The following EIF4G3 variants were observed in gnomAD, a reference collection of about 807,000 sequenced individuals.
EIF4G3 encodes eukaryotic translation initiation factor 4 gamma 3.
In EIF4G3, 34 loss-of-function variants were observed where a neutral mutation model predicts 186.4. The observed-to-expected ratio is 0.18, with a 90% confidence interval of 0.14 to 0.24. EIF4G3 has a LOEUF of 0.24. EIF4G3 is among the 10% of genes least tolerant of loss of function. The pLI, the probability that EIF4G3 is intolerant of heterozygous loss-of-function variation, is 1.00. For synonymous variants in EIF4G3, 673 were observed against 679.5 expected (o/e 0.99, Z 0.15); for missense variants, 1,536 against 1,948.5 (o/e 0.79, Z 3.99).
intron 4 of EIF4G3, among the ~76,000 whole-genome samples, chr1:21,023,053 C>T (rs1433722225): frequency 6.6e-6 from 1 of 152,192 alleles, no homozygotes; most frequent in Non-Finnish European, 1.5e-5. Flanking sequence ...TCAAACTATA[C>T]TTGACTTCAG....
At chr1:21,134,017 AAT>A (rs1295629121) in intron 2 of EIF4G3, among the ~76,000 whole-genome samples, 2 of 152,182 alleles carry the variant, frequency 1.3e-5, no homozygotes, top group Non-Finnish European at 2.9e-5. Flanking sequence ...CTTACGCCTA[AAT>A]ATAGTAAAGC....
intron 14 of EIF4G3, among the ~76,000 whole-genome samples, chr1:20,907,797 T>TGG (rs1485162437): frequency 6.6e-6 from 1 of 152,104 alleles, no homozygotes; most frequent in Non-Finnish European, 1.5e-5. Flanking sequence ...CTATCATTGT[T>TGG]GGACATTTAG....
chr1:21,147,959 T>C (rs1407107104), intron 2 of EIF4G3, among the ~76,000 whole-genome samples: 1 of 152,186 alleles, frequency 6.6e-6, no homozygotes, highest in Non-Finnish European at 1.5e-5. Context: ...TCTGGTAATA[T>C]ACATCAATTT....
intron 14 of EIF4G3, among the ~76,000 whole-genome samples, chr1:20,918,496 C>T (rs1224809362): frequency 6.6e-6 from 1 of 152,038 alleles, no homozygotes; most frequent in East Asian, 1.9e-4. Context: ...GCATGAGCCA[C>T]AGCACCTAGC....
intron 3 of EIF4G3, among the ~76,000 whole-genome samples, chr1:21,074,772 A>T (rs1474142844): frequency 1.3e-5 from 2 of 152,208 alleles, no homozygotes; most frequent in African/African-American, 4.8e-5. Flanking sequence ...ACAATGTTGT[A>T]TTAAAAAAGA....
intron 12 of EIF4G3, among the ~76,000 whole-genome samples, chr1:20,955,559 C>T (rs1017165566): frequency 6.6e-6 from 1 of 152,050 alleles, no homozygotes; most frequent in Non-Finnish European, 1.5e-5. Flanking sequence ...ATAATTCTGA[C>T]CACTGCATGG....
At chr1:20,962,227 C>T (rs1029771238) in intron 12 of EIF4G3, among the ~76,000 whole-genome samples, 2 of 152,110 alleles carry the variant, frequency 1.3e-5, no homozygotes, top group Admixed American at 6.6e-5. Context: ...ACTTTTGACT[C>T]CCCAAAAACT....
chr1:21,042,465 C>T (rs2093639469), intron 4 of EIF4G3, among the ~76,000 whole-genome samples: 1 of 152,150 alleles, frequency 6.6e-6, no homozygotes, highest in South Asian at 2.1e-4. Flanking sequence ...TGCTGAGTCA[C>T]TGAAATTCAC....
chr1:21,144,421 T>C (rs1487145718), intron 2 of EIF4G3, among the ~76,000 whole-genome samples: 1 of 150,776 alleles, frequency 6.6e-6, no homozygotes, highest in Non-Finnish European at 1.5e-5. Context: ...AGCACACCCA[T>C]CTTTTTTTTT....
At chr1:20,886,466 C>T (rs1301423484) in intron 18 of EIF4G3, 95 bp from the exon 19 acceptor site, 5 of 1,244,082 alleles carry the variant, frequency 4.0e-6, no homozygotes, top group Non-Finnish European at 5.6e-6. Flanking sequence ...CCAAGCAATG[C>T]TAGATGCAAA....
chr1:21,113,682 T>C (rs969857127), intron 2 of EIF4G3, among the ~76,000 whole-genome samples: 3 of 152,170 alleles, frequency 2.0e-5, no homozygotes, highest in East Asian at 1.9e-4. Flanking sequence ...TGCACTGTTA[T>C]ACAGGTCTTC....
intron 25 of EIF4G3, among the ~76,000 whole-genome samples, chr1:20,856,901 G>A (rs966260056): frequency 9.2e-5 from 14 of 152,166 alleles, no homozygotes; most frequent in Admixed American, 7.9e-4. Flanking sequence ...GGTGGCTCAC[G>A]CCTGTAATCC....
chr1:21,110,532 C>A (rs2096705619), intron 2 of EIF4G3, among the ~76,000 whole-genome samples: 1 of 152,036 alleles, frequency 6.6e-6, no homozygotes, highest in Admixed American at 6.6e-5. Context: ...TGAGCTCAGG[C>A]AATTCGCCCA....
At chr1:20,865,082 T>A in intron 21 of EIF4G3, 34 bp downstream of exon 21, 1 of 1,611,746 alleles carries the variant, frequency 6.2e-7, no homozygotes. Context: ...GTGCTCAAAG[T>A]GTACAAGCAC....
Position 21,065,397 on chromosome 1 carries a change from CA to C in EIF4G3, c.-195-14404del, listed in dbSNP as rs3081969. 1.6e-3 allele frequency among the ~76,000 whole-genome samples: 196 copies of C among 124,062 alleles called. 1 individual carries two copies. The highest frequency in any genetic ancestry group is 2.0e-3 in the Admixed American group (24 of 12,230). 81.4% of individuals were successfully genotyped at this position (124,062 alleles called of 152,430 possible). A position where few individuals can be genotyped will look rare whatever the true frequency, so the allele number is the denominator to read the frequency against. Reference sequence around the variant, plus strand: ...TAAAAGAGCATGGGGTTGTTTCTACCAAAAAAAAAAAAAAAAAAATTTAGCA... The same window carrying C: ...TAAAAGAGCATGGGGTTGTTTCTACCAAAAAAAAAAAAAAAAAATTTAGCA... On this transcript the variant is annotated intron_variant, in intron 3 of 36. Coordinates refer to ENST00000602326, the MANE Select transcript of EIF4G3 (RefSeq NM_001391906.1).
rs929691847 is a variant in EIF4G3 at position 20,997,615 on chromosome 1, G to T, written c.163C>A (p.Pro55Thr). 3.9e-6 allele frequency: 6 copies of T among 1,546,280 alleles called. No individual in the cohort carries two copies. The highest frequency in any genetic ancestry group is 4.0e-5 in the Admixed American group (2 of 50,240). ...GGGTACAGTACCTGATGATGGGGAG[G>T]TCGAGGCCCCGCTGCAAACTGAGAA... ...KYCIFAAGPR[P>T]PHHQGGFRPI... Residue 55 changes from proline (P) to threonine (T), a missense_variant, in exon 7 of 37, where the codon CCT becomes ACT. Transcript: ENST00000602326.
intron 12 of EIF4G3, among the ~76,000 whole-genome samples, chr1:20,964,007 C>T (rs560949319): frequency 1.3e-5 from 2 of 152,030 alleles, no homozygotes; most frequent in Admixed American, 1.3e-4. Flanking sequence ...CTTGACATGG[C>T]ATCATGTATT....
chr1:20,852,731 A>G (rs2154550655), intron 27 of EIF4G3, among the ~76,000 whole-genome samples: 1 of 152,324 alleles, frequency 6.6e-6, no homozygotes, highest in East Asian at 1.9e-4. Flanking sequence ...CCATTAGGGG[A>G]CATTTATGAC....
In EIF4G3 at chr1:20,859,039, C is replaced by T. The variant is rs112253839; in HGVS notation, c.3244+1346G>A. On this transcript the variant is annotated intron_variant, in intron 24 of 36. Coordinates refer to ENST00000602326, the MANE Select transcript of EIF4G3 (RefSeq NM_001391906.1). Reference sequence around the variant, plus strand: ...ATGAATTAATAAATTGAAAGATCACCGAACTGTCTATCCAAAAGCTTTTCT... The same window carrying T: ...ATGAATTAATAAATTGAAAGATCACTGAACTGTCTATCCAAAAGCTTTTCT... Among the ~76,000 whole-genome samples the T allele has an allele frequency of 2.6e-3, 403 of 152,202 alleles. 4 individuals are homozygous for T. Among genetic ancestry groups the T allele is most frequent in the African/African-American group, 9.2e-3 (383 of 41,538 alleles).
Sources: allele counts gnomAD v4.1 joint callset (sites outside exome capture counted in the v4.1 genomes callset), GRCh38; gene constraint gnomAD v4.1.1; transcripts MANE v1.5; gene names NCBI Gene and HGNC (gene_info 2026-07-23, HGNC 2026-07-21).